CPXM2: variants seen among roughly 807,000 people sequenced by gnomAD.
CPXM2 encodes inactive carboxypeptidase-like protein X2.
A neutral mutation model predicts 86.1 loss-of-function variants in CPXM2; 66 were observed. That is an observed-to-expected ratio of 0.77 (90% CI 0.63 to 0.94). The LOEUF (loss-of-function observed/expected upper bound fraction) is 0.94, where lower values mean the gene tolerates loss of function less well. CPXM2 is among the 40% of genes least tolerant of loss of function. The pLI is 0.00. For missense variants in CPXM2, 948 were observed against 1,026.3 expected, an observed-to-expected ratio of 0.92 and a Z score of 1.04; for synonymous variants, 388 against 400.2, an observed-to-expected ratio of 0.97 and a Z score of 0.36.
At chr10:123,791,786 C>T (rs917746457) in intron 6 of CPXM2, among the ~76,000 whole-genome samples, 2 of 152,222 alleles carry the variant, frequency 1.3e-5, no homozygotes, top group Non-Finnish European at 2.9e-5. Context: ...AATAAGATCA[C>T]ATTGGAGGTT....
chr10:123,910,028 C>T (rs1183418663), intron 2 of CPXM2, among the ~76,000 whole-genome samples: 1 of 152,210 alleles, frequency 6.6e-6, no homozygotes, highest in Non-Finnish European at 1.5e-5. Flanking sequence ...CCAGGCAGCG[C>T]CCGAACCCAC....
intron 4 of CPXM2, among the ~76,000 whole-genome samples, chr10:123,806,124 G>C (rs1452872719): frequency 6.6e-6 from 1 of 151,932 alleles, no homozygotes; most frequent in Non-Finnish European, 1.5e-5. Context: ...TTTTCTTTCT[G>C]CTTGAAGAGC....
Position 123,880,121 on chromosome 10 carries a change from T to C in CPXM2, c.403+90A>G, listed in dbSNP as rs2134230335. On this transcript the variant is annotated intron_variant, in intron 2 of 13. Transcript: ENST00000241305. ...CAGCCCCACACTCGGGAATCTGTAGTCAGGCTGCTGCACCAGGGGCCTGTA... is the reference window on the plus strand; with the variant it reads ...CAGCCCCACACTCGGGAATCTGTAGCCAGGCTGCTGCACCAGGGGCCTGTA... The C allele has an allele frequency of 5.9e-6, 4 of 683,486 alleles. No individual in the cohort carries two copies. In the South Asian group the frequency reaches 7.2e-5, roughly 12 times the overall value. The allele number at this position is 683,486 out of a possible 1,614,324, so 42.3% of individuals were successfully genotyped here.
At chr10:123,868,829 G>A (rs953446054) in intron 2 of CPXM2, among the ~76,000 whole-genome samples, 3 of 152,078 alleles carry the variant, frequency 2.0e-5, no homozygotes, top group Non-Finnish European at 2.9e-5. Flanking sequence ...GGCACTTCCC[G>A]CAAATAAGCC....
chr10:123,861,818 G>GAACTGTA (rs1848854184), intron 3 of CPXM2, among the ~76,000 whole-genome samples: 1 of 152,178 alleles, frequency 6.6e-6, no homozygotes, highest in Admixed American at 6.5e-5. Flanking sequence ...CTGTCCTCCA[G>GAACTGTA]AACTGTAAGA....
chr10:123,827,508 A>G (rs1396415740), intron 4 of CPXM2, among the ~76,000 whole-genome samples: 1 of 152,260 alleles, frequency 6.6e-6, no homozygotes, highest in African/African-American at 2.4e-5. Flanking sequence ...TTTACAAAAA[A>G]GCACAGAAAA....
chr10:123,834,496 G>A (rs182585569), intron 4 of CPXM2, among the ~76,000 whole-genome samples: 1 of 152,344 alleles, frequency 6.6e-6, no homozygotes, highest in Admixed American at 6.5e-5. Flanking sequence ...AGGCCTCTGA[G>A]CACAAGGAGG....
chr10:123,912,788 C>A (rs1945501717), intron 2 of CPXM2, among the ~76,000 whole-genome samples: 2 of 152,226 alleles, frequency 1.3e-5, no homozygotes, highest in African/African-American at 4.8e-5. Context: ...TTTTATCAAA[C>A]AACCTCAGTC....
At chr10:123,828,871 T>C (rs1394162889) in intron 4 of CPXM2, among the ~76,000 whole-genome samples, 2 of 152,120 alleles carry the variant, frequency 1.3e-5, no homozygotes, top group Non-Finnish European at 2.9e-5. Flanking sequence ...TTGAACTTGG[T>C]TGAAATTTAA....
At position 123,780,232 on chromosome 10, in the gene CPXM2, G is replaced by A. The variant is rs372846460; in HGVS notation, c.913C>T (p.Arg305Trp). ...LPDPNNYYHRRNEMTTTDDLD... is the reference protein window; with the variant it reads ...LPDPNNYYHRWNEMTTTDDLD... ...TCATCAGTGGTGGTCATCTCGTTCC[G>A]GCGGTGATAATAATTATTAGGATCT... The change falls in exon 7 of 14, where the codon CGG (arginine) becomes TGG (tryptophan). Residue 305 changes from arginine to tryptophan, a missense_variant. By Grantham distance (101) the Arg-to-Trp change is moderately radical (BLOSUM62 -3). Coordinates refer to ENST00000241305, the MANE Select transcript of CPXM2 (RefSeq NM_198148.3). 52 of 1,608,236 alleles carry A rather than the reference G, an allele frequency of 3.2e-5. No homozygotes were observed. Among genetic ancestry groups the A allele is most frequent in the Admixed American group, 8.3e-5 (5 of 59,976 alleles).
intron 4 of CPXM2, among the ~76,000 whole-genome samples, chr10:123,833,302 T>C (rs1218386399): frequency 6.6e-6 from 1 of 152,178 alleles, no homozygotes; most frequent in African/African-American, 2.4e-5. Flanking sequence ...AGGGAACCCA[T>C]GTGCTTTTAT....
intron 4 of CPXM2, among the ~76,000 whole-genome samples, chr10:123,804,838 C>CT: frequency 6.6e-6 from 1 of 152,124 alleles, no homozygotes; most frequent in African/African-American, 2.4e-5. Flanking sequence ...TACTTTTTTT[C>CT]TTTTTTTGTT....
intron 13 of CPXM2, chr10:123,751,426 G>A (rs1055254468): frequency 1.3e-5 from 11 of 842,680 alleles, no homozygotes; most frequent in East Asian, 1.2e-4. Flanking sequence ...TTTGCAAAAC[G>A]TCCTGACCTT....
intron 2 of CPXM2, among the ~76,000 whole-genome samples, chr10:123,923,529 C>T (rs940298529): frequency 3.3e-5 from 5 of 150,284 alleles, no homozygotes; most frequent in Admixed American, 6.6e-5. Flanking sequence ...TGCAGTGAGC[C>T]GAGATCGCGC....
Position 123,767,077 on chromosome 10 carries a change from A to G in CPXM2, c.1375T>C (p.Leu459=). The G allele has an allele frequency of 6.2e-7, 1 of 1,614,188 alleles. No individual in the cohort carries two copies. Among genetic ancestry groups the G allele is most frequent in the Middle Eastern group, 1.6e-4 (1 of 6,062 alleles). Residue 459 remains leucine (L), a synonymous_variant, in exon 10 of 14, where the codon TTA becomes CTA. Coordinates refer to ENST00000241305, the MANE Select transcript of CPXM2 (RefSeq NM_198148.3). ...GIDINNNFPD[L]NTLLWEAEDR... The stretch of plus-strand genomic sequence containing the variant: ...TCTGCCTCCCAGAGCAGCGTGTTTA[A>G]ATCAGGAAAGTTGTTGTTGATGTCA...
At chr10:123,931,135 CAA>C (rs972422550) in intron 2 of CPXM2, among the ~76,000 whole-genome samples, 4 of 152,082 alleles carry the variant, frequency 2.6e-5, no homozygotes, top group Non-Finnish European at 4.4e-5. Flanking sequence ...CATCATCTGG[CAA>C]AGAGACTTCC....
intron 2 of CPXM2, among the ~76,000 whole-genome samples, chr10:123,927,279 T>C (rs1455036480): frequency 6.6e-6 from 1 of 152,230 alleles, no homozygotes; most frequent in African/African-American, 2.4e-5. Context: ...CCTTCAGTGA[T>C]GCTAGACAAG....
intron 9 of CPXM2, 113 bp from the exon 10 acceptor site, chr10:123,767,265 A>T: frequency 1.1e-6 from 1 of 938,054 alleles, no homozygotes; most frequent in Non-Finnish European, 1.6e-6. Flanking sequence ...CTAAGCCTCT[A>T]GATGCCCTTT....
At chr10:123,884,545 T>G (rs1016994490) in intron 1 of CPXM2, among the ~76,000 whole-genome samples, 9 of 152,180 alleles carry the variant, frequency 5.9e-5, no homozygotes, top group African/African-American at 2.2e-4. Flanking sequence ...AAGGGCGAGT[T>G]GAGCAGTGGA....
Sources: allele counts gnomAD v4.1 joint callset (sites outside exome capture counted in the v4.1 genomes callset), GRCh38; gene constraint gnomAD v4.1.1; transcripts MANE v1.5; gene names NCBI Gene and HGNC (gene_info 2026-07-23, HGNC 2026-07-21).